The following AGBL3 variants were observed in gnomAD, a reference collection of about 807,000 sequenced individuals.
The protein encoded by AGBL3 is AGBL carboxypeptidase 3.
AGBL3 carries 68 observed loss-of-function variants against 94.5 expected under a neutral mutation model. The ratio of observed to expected loss-of-function variants is 0.72; its 90% CI spans 0.59 to 0.88. The LOEUF is 0.88. AGBL3 is among the 40% of genes least tolerant of loss of function. The pLI, the probability that AGBL3 is intolerant of heterozygous loss-of-function variation, is 0.00. For missense variants in AGBL3, 934 were observed against 1,103.8 expected, an observed-to-expected ratio of 0.85 and a Z score of 2.18; for synonymous variants, 354 against 370.7, an observed-to-expected ratio of 0.95 and a Z score of 0.52.
chr7:134,999,030 C>CA lies in AGBL3; in HGVS notation c.310+5362dup, dbSNP rs142101884. Among the ~76,000 whole-genome samples, 797 of 146,932 alleles carry CA rather than the reference C, an allele frequency of 5.4e-3. 3 individuals are homozygous for CA. Among genetic ancestry groups the CA allele is most frequent in the Non-Finnish European group, 7.8e-3 (514 of 66,130 alleles). Reference sequence around the variant, plus strand: ...TGCCTTTATCACCCCCTATTTTAGACAAAAAAAAAAGTTTCAATTACCTTT... The same window carrying CA: ...TGCCTTTATCACCCCCTATTTTAGACAAAAAAAAAAAGTTTCAATTACCTTT... On this transcript the variant is annotated intron_variant, in intron 4 of 16. Coordinates refer to ENST00000436302, the MANE Select transcript of AGBL3 (RefSeq NM_178563.4).
chr7:135,105,528 G>A (rs1269758155), intron 15 of AGBL3, among the ~76,000 whole-genome samples: 1 of 152,226 alleles, frequency 6.6e-6, no homozygotes, highest in African/African-American at 2.4e-5. Flanking sequence ...ATTTGTAGAA[G>A]ATCAGATGGT....
At position 134,986,599 on chromosome 7, in the gene AGBL3, GA is replaced by G. The variant is rs1809462405; in HGVS notation, c.-161del. Reference sequence around the variant, plus strand: ...AGCGGCTGGATACCGGGTTCTCCGCGAGATCGCGAGATCCCGAGATATTCTC... The same window carrying G: ...AGCGGCTGGATACCGGGTTCTCCGCGGATCGCGAGATCCCGAGATATTCTC... On this transcript the variant is annotated 5_prime_UTR_variant, in exon 1 of 17. Transcript: ENST00000436302. 1 of 9,138 alleles carries G rather than the reference GA, an allele frequency of 1.1e-4. No homozygotes were observed. The highest frequency in any genetic ancestry group is 1.0e-3 in the African/African-American group (1 of 970). 0.6% of individuals were successfully genotyped at this position (9,138 alleles called of 1,614,324 possible).
At position 135,080,143 on chromosome 7, in the gene AGBL3, AT is replaced by A. The variant is rs1203332512; in HGVS notation, c.1981-59del. The A allele has an allele frequency of 2.4e-6, 3 of 1,237,100 alleles. No homozygotes were observed. In the Admixed American group the frequency reaches 6.0e-5, roughly 25 times the overall value. 76.6% of individuals were successfully genotyped at this position (1,237,100 alleles called of 1,614,324 possible). On this transcript the variant is annotated intron_variant, in intron 13 of 16. Transcript: ENST00000436302. ...CACAATACCATAAATCATATAGGAA[AT>A]ATACCCCATTTCATGTTGATAAAAT... is the stretch of plus-strand genomic sequence containing the variant.
rs200903553 is a variant in AGBL3 at position 135,014,269 on chromosome 7, A to AT, written c.311-2776dup. Among the ~76,000 whole-genome samples the AT allele has an allele frequency of 5.4e-3, 798 of 148,840 alleles. 8 individuals are homozygous for AT. The highest frequency in any genetic ancestry group is 7.3e-3 in the Non-Finnish European group (494 of 67,506). On this transcript the variant is annotated intron_variant, in intron 4 of 16. Coordinates refer to ENST00000436302, the MANE Select transcript of AGBL3 (RefSeq NM_178563.4). The stretch of plus-strand genomic sequence containing the variant: ...CTATTTCTGCATAATGAGATTGTGG[A>AT]TTTTTTTCTTTTTGCTTAAGCTATA...
At chr7:135,096,584 C>CATACATAGATAGATAGATAG (rs1822811727) in intron 15 of AGBL3, among the ~76,000 whole-genome samples, 2 of 88,860 alleles carry the variant, frequency 2.3e-5, no homozygotes, top group East Asian at 5.6e-4. Context: ...TAGATAGATA[C>CATACATAGATAGATAGATAG]ATAGATAGAT....
chr7:135,038,031 A>G (rs1391118581), intron 8 of AGBL3, among the ~76,000 whole-genome samples: 1 of 152,124 alleles, frequency 6.6e-6, no homozygotes, highest in Non-Finnish European at 1.5e-5. Flanking sequence ...TTTAAAATAT[A>G]TAGAAATTAG....
At position 135,032,471 on chromosome 7, in the gene AGBL3, A is replaced by ATT. The variant is rs375307379; in HGVS notation, c.419-357_419-356dup. Among the ~76,000 whole-genome samples the ATT allele has an allele frequency of 2.9e-3, 391 of 134,380 alleles. 1 individual carries two copies. The highest frequency in any genetic ancestry group is 7.5e-3 in the African/African-American group (273 of 36,598). 88.2% of individuals were successfully genotyped at this position (134,380 alleles called of 152,430 possible). On this transcript the variant is annotated intron_variant, in intron 5 of 16. Coordinates refer to ENST00000436302, the MANE Select transcript of AGBL3 (RefSeq NM_178563.4). ...AGGCACGTGCCACCACACCTGGCTA[A>ATT]TTTTTTTTTTTTTTTTTGTATTTTT...
chr7:135,026,217 A>G (rs1293975794), intron 5 of AGBL3, among the ~76,000 whole-genome samples: 1 of 75,132 alleles, frequency 1.3e-5, no homozygotes, highest in Non-Finnish European at 3.0e-5. Flanking sequence ...CTCACATCAC[A>G]GTGCAATAAA....
chr7:135,088,449 C>G (rs1049232163), intron 15 of AGBL3, among the ~76,000 whole-genome samples: 15 of 151,940 alleles, frequency 9.9e-5, no homozygotes, highest in Non-Finnish European at 1.9e-4. Context: ...ATTCTTTTCT[C>G]TCTTTTGTGT....
chr7:135,126,346 G>A (rs1259431928), intron 16 of AGBL3, among the ~76,000 whole-genome samples: 2 of 152,138 alleles, frequency 1.3e-5, no homozygotes, highest in African/African-American at 4.8e-5. Context: ...GGATGTGAAG[G>A]ACCTCTTCAA....
At chr7:135,006,937 T>G (rs929684897) in intron 4 of AGBL3, among the ~76,000 whole-genome samples, 5 of 151,768 alleles carry the variant, frequency 3.3e-5, no homozygotes, top group Non-Finnish European at 7.4e-5. Context: ...TAAGATGAAA[T>G]GGACACATGA....
intron 16 of AGBL3, among the ~76,000 whole-genome samples, chr7:135,124,528 C>A (rs1482897676): frequency 6.6e-6 from 1 of 152,204 alleles, no homozygotes. Flanking sequence ...CTTGAACTCT[C>A]AGCTCTGGAT....
chr7:135,040,885 C>CACCACACACACACA (rs60759991), intron 8 of AGBL3, among the ~76,000 whole-genome samples: 2 of 121,028 alleles, frequency 1.7e-5, no homozygotes, highest in East Asian at 2.0e-4. Flanking sequence ...CACACACACA[C>CACCACACACACACA]CACACACACA....
chr7:135,045,368 G>A, intron 9 of AGBL3, 106 bp from the exon 10 acceptor site: 5 of 864,292 alleles, frequency 5.8e-6, no homozygotes, highest in Non-Finnish European at 9.2e-6. Flanking sequence ...CTAAAGGATA[G>A]GATATGGAAT....
intron 12 of AGBL3, among the ~76,000 whole-genome samples, chr7:135,071,926 C>T (rs1293470426): frequency 6.6e-6 from 1 of 152,092 alleles, no homozygotes; most frequent in Middle Eastern, 3.2e-3. Flanking sequence ...TCTAATTAAA[C>T]TAAAGAGCTT....
At chr7:135,050,965 C>T (rs1817820132) in intron 11 of AGBL3, 3 of 399,976 alleles carry the variant, frequency 7.5e-6, no homozygotes, top group South Asian at 5.5e-5. Context: ...ATTAGTCTTA[C>T]AGTTTTTTTC....
chr7:135,076,690 C>G (rs150375633), intron 13 of AGBL3, among the ~76,000 whole-genome samples: 6 of 152,154 alleles, frequency 3.9e-5, no homozygotes, highest in African/African-American at 1.2e-4. Context: ...TTTTACCTTA[C>G]TCTAAAAAGT....
At chr7:135,121,439 C>T (rs1476783924) in intron 16 of AGBL3, among the ~76,000 whole-genome samples, 8 of 151,570 alleles carry the variant, frequency 5.3e-5, no homozygotes, top group Non-Finnish European at 1.0e-4. Flanking sequence ...CAAGATAGAA[C>T]ATATCCTAGC....
At chr7:135,019,385 A>T (rs1255211252) in intron 5 of AGBL3, among the ~76,000 whole-genome samples, 1 of 152,144 alleles carries the variant, frequency 6.6e-6, no homozygotes, top group African/African-American at 2.4e-5. Flanking sequence ...TTTCAAATTT[A>T]GTGCATTTTG....
Sources: allele counts gnomAD v4.1 joint callset (sites outside exome capture counted in the v4.1 genomes callset), GRCh38; gene constraint gnomAD v4.1.1; transcripts MANE v1.5; gene names NCBI Gene and HGNC (gene_info 2026-07-23, HGNC 2026-07-21).